NDUFA10: variants seen among roughly 807,000 people sequenced by gnomAD.
NDUFA10 encodes NADH dehydrogenase [ubiquinone] 1 alpha subcomplex subunit 10, mitochondrial.
A neutral mutation model predicts 47.8 loss-of-function variants in NDUFA10; 40 were observed. The observed-to-expected ratio is 0.84, with a 90% CI of 0.65 to 1.09. The LOEUF (loss-of-function observed/expected upper bound fraction) is 1.09. NDUFA10 is among the 50% of genes least tolerant of loss of function. The pLI, the probability that NDUFA10 is intolerant of heterozygous loss-of-function variation, is 0.00. For missense variants in NDUFA10, 413 were observed against 451.1 expected (o/e 0.92, Z 0.76); for synonymous variants, 183 against 172.2 (o/e 1.06, Z -0.49).
intron 9 of NDUFA10, among the ~76,000 whole-genome samples, chr2:239,989,113 G>C (rs1440271089): frequency 1.3e-5 from 2 of 152,236 alleles, no homozygotes; most frequent in African/African-American, 4.8e-5. Flanking sequence ...GACAGAAGGA[G>C]GTGAACACAG....
In NDUFA10 at chr2:240,025,296, G is replaced by A. The variant is rs1697819497; in HGVS notation, c.6C>T (p.Ala2=). 4.6e-6 allele frequency: 7 copies of A among 1,506,546 alleles called. No homozygotes were observed. In the South Asian group the frequency reaches 7.5e-5, roughly 16 times the overall value. 93.3% of individuals were successfully genotyped at this position (1,506,546 alleles called of 1,614,324 possible). The part of the protein sequence containing the change: M[A]LRLLKLAATS... ...TCGCTGCCAGCTTCAGGAGCCGCAAGGCCATGGCTACCCGGTCAGCTCAGG... is the reference window on the plus strand; with the variant it reads ...TCGCTGCCAGCTTCAGGAGCCGCAAAGCCATGGCTACCCGGTCAGCTCAGG... The change falls in exon 1 of 10, where the codon GCC becomes GCT. Residue 2 remains alanine, a synonymous_variant. Coordinates refer to ENST00000252711, the MANE Select transcript of NDUFA10 (RefSeq NM_004544.4).
At position 240,006,078 on chromosome 2, in the gene NDUFA10, C is replaced by T. The variant is rs79544075; in HGVS notation, c.805-783G>A. ...TTTCCAGAGGAGTAATCTTTCCATA[C>T]GCATTCTCTCCTCACAACAGGCCAA... On this transcript the variant is annotated intron_variant, in intron 7 of 9. Transcript: ENST00000252711. Among the ~76,000 whole-genome samples the T allele has an allele frequency of 4.4e-3, 663 of 152,256 alleles. 13 individuals are homozygous for T. The highest frequency in any genetic ancestry group is 0.043 in the East Asian group (222 of 5,176).
At chr2:239,898,726 T>C (rs2106461647) in intron 4 of NDUFA10, among the ~76,000 whole-genome samples, 1 of 152,346 alleles carries the variant, frequency 6.6e-6, no homozygotes, top group Middle Eastern at 3.4e-3. Context: ...GATGCAGGTG[T>C]CAACTCTGCA....
At chr2:239,910,263 C>T (rs548092386) in intron 4 of NDUFA10, among the ~76,000 whole-genome samples, 30 of 152,284 alleles carry the variant, frequency 2.0e-4, no homozygotes, top group East Asian at 5.8e-4. Context: ...GACACATGCA[C>T]GTGTATGTTC....
Position 239,928,040 on chromosome 2 carries a change from AC to A in NDUFA10, c.295-32727del, listed in dbSNP as rs111921108. On this transcript the variant is annotated intron_variant, in intron 4 of 5. Transcript: ENST00000419408. The surrounding 1 kb of genome is among the most constrained non-coding windows in gnomAD (Gnocchi z 4.3). ...AAAAGCAAAGACACAAAACACCAGT[AC>A]CCAGGTAAAGAGCGACTGAAGTCAA... Among the ~76,000 whole-genome samples, 19,238 of 152,102 alleles carry A rather than the reference AC, an allele frequency of 0.13. 1,453 individuals carry two copies. The highest frequency in any genetic ancestry group is 0.22 in the African/African-American group (9,019 of 41,456).
chr2:239,975,558 A>G (rs973742968), intron 9 of NDUFA10, among the ~76,000 whole-genome samples: 4 of 152,230 alleles, frequency 2.6e-5, no homozygotes, highest in Admixed American at 1.3e-4. Flanking sequence ...GCAAATGGGA[A>G]TAAGAATAAT....
intron 4 of NDUFA10, among the ~76,000 whole-genome samples, chr2:239,930,105 C>T (rs1260489119): frequency 7.5e-6 from 1 of 134,212 alleles, no homozygotes; most frequent in Non-Finnish European, 1.6e-5. Context: ...TGCTTCTCAA[C>T]TGCCCCTGCT....
At chr2:240,010,763 A>G (rs1276843818) in intron 6 of NDUFA10, among the ~76,000 whole-genome samples, 3 of 152,186 alleles carry the variant, frequency 2.0e-5, no homozygotes, top group African/African-American at 4.8e-5. Context: ...TGGTCTAACA[A>G]TATTATCTTC....
At chr2:239,982,115 C>T (rs1398485343) in intron 9 of NDUFA10, 3 of 1,612,766 alleles carry the variant, frequency 1.9e-6, no homozygotes, top group Non-Finnish European at 2.5e-6. Context: ...ACACGTGTAC[C>T]TGAAGACCGA....
rs549712565 is a variant in NDUFA10 at position 239,919,448 on chromosome 2, C to T, written c.295-24134G>A. ...CTCCTCGAGGGCAGGGGCATCCTCA[C>T]GGCTTTGTTCTCTGCTGCACTTACA... On this transcript the variant is annotated intron_variant, in intron 4 of 5. Coordinates refer to the NDUFA10 transcript ENST00000419408. 7.9e-5 allele frequency among the ~76,000 whole-genome samples: 12 copies of T among 152,224 alleles called. No individual in the cohort carries two copies. In the East Asian group the frequency reaches 2.1e-3, roughly 27 times the overall value.
chr2:239,913,500 C>T (rs1346793799), intron 4 of NDUFA10, among the ~76,000 whole-genome samples: 1 of 152,196 alleles, frequency 6.6e-6, no homozygotes, highest in African/African-American at 2.4e-5. Flanking sequence ...GGTGGCGTGG[C>T]CTTGCTCTGC....
At chr2:239,974,149 C>T (rs150181185) in intron 9 of NDUFA10, among the ~76,000 whole-genome samples, 1 of 152,222 alleles carries the variant, frequency 6.6e-6, no homozygotes, top group East Asian at 1.9e-4. Flanking sequence ...GGCTGATCTC[C>T]AACTCCTGAC....
intron 1 of NDUFA10, 132 bp downstream of exon 1, chr2:240,025,095 G>A (rs1046952472): frequency 6.2e-5 from 55 of 880,602 alleles, no homozygotes; most frequent in African/African-American, 5.5e-4. Context: ...AGGCAGGAGG[G>A]GTCCCCCAAA....
At chr2:239,982,046 C>T (rs4149551) in intron 9 of NDUFA10, 530,184 of 1,598,514 alleles carry the variant, frequency 0.33, 90,459 homozygotes, top group East Asian at 0.4. Context: ...CTAATAGTCA[C>T]ACGTTCTGTG....
In NDUFA10 at chr2:239,928,768, G is replaced by A. The variant is rs764769931; in HGVS notation, c.295-33454C>T. Among the ~76,000 whole-genome samples, 2 of 152,122 alleles carry A rather than the reference G, an allele frequency of 1.3e-5. No homozygotes were observed. Among genetic ancestry groups the A allele is most frequent in the Non-Finnish European group, 2.9e-5 (2 of 68,028 alleles). On this transcript the variant is annotated intron_variant, in intron 4 of 5. Transcript: ENST00000419408. This position sits in a 1 kb window ranked among gnomAD's most constrained non-coding sequence, Gnocchi z 4.3. Reference sequence around the variant, plus strand: ...CAGACCCTTCCGCGTTCCCTGCAGCGTCCCTTCCAAACAGGTGGTATCCGT... The same window carrying A: ...CAGACCCTTCCGCGTTCCCTGCAGCATCCCTTCCAAACAGGTGGTATCCGT...
intron 4 of NDUFA10, chr2:240,017,752 G>A: frequency 1.5e-6 from 2 of 1,357,980 alleles, no homozygotes; most frequent in Middle Eastern, 1.8e-4. Flanking sequence ...CACAGGTGGA[G>A]TACCGGCAAC....
In NDUFA10 at chr2:240,019,676, G is replaced by A. The variant is rs1304527692; in HGVS notation, c.461-1037C>T. Among the ~76,000 whole-genome samples, 4 of 84,268 alleles carry A rather than the reference G, an allele frequency of 4.7e-5. 2 individuals are homozygous for A. Among genetic ancestry groups the A allele is most frequent in the East Asian group, 6.2e-4 (2 of 3,232 alleles). The allele number at this position is 84,268 out of a possible 152,430, so 55.3% of individuals were successfully genotyped here. A position where few individuals can be genotyped will look rare whatever the true frequency, so the allele number is the denominator to read the frequency against. On this transcript the variant is annotated intron_variant, in intron 3 of 9. Transcript: ENST00000252711. ...TACTAAAAATACAAAAAAATTAGCCGGGCGTAGTGGCGGGCGCCTGTAGTC... is the reference window on the plus strand; with the variant it reads ...TACTAAAAATACAAAAAAATTAGCCAGGCGTAGTGGCGGGCGCCTGTAGTC...
At chr2:239,962,240 C>A (rs1694883972) in intron 9 of NDUFA10, among the ~76,000 whole-genome samples, 1 of 151,476 alleles carries the variant, frequency 6.6e-6, no homozygotes, top group Non-Finnish European at 1.5e-5. Flanking sequence ...CACACACACA[C>A]CCCTTCCAAA....
chr2:239,910,123 T>C (rs574450204), intron 4 of NDUFA10, among the ~76,000 whole-genome samples: 1 of 152,302 alleles, frequency 6.6e-6, no homozygotes, highest in South Asian at 2.1e-4. Context: ...GGTGGGAATG[T>C]AAATTAGTTC....
Sources: allele counts gnomAD v4.1 joint callset (sites outside exome capture counted in the v4.1 genomes callset), GRCh38; gene constraint gnomAD v4.1.1; non-coding constraint Gnocchi (gnomAD v3.1); transcripts MANE v1.5; gene names NCBI Gene and HGNC (gene_info 2026-07-23, HGNC 2026-07-21).